CAPRIN2: variants seen among roughly 807,000 people sequenced by gnomAD.
CAPRIN2 encodes caprin family member 2.
CAPRIN2 carries 66 observed loss-of-function variants against 130.4 expected under a neutral mutation model. The ratio of observed to expected loss-of-function variants is 0.51; its 90% CI spans 0.42 to 0.62. The LOEUF (loss-of-function observed/expected upper bound fraction) is 0.62. CAPRIN2 is among the 20% of genes least tolerant of loss of function. CAPRIN2 has a pLI of 0.00. For missense variants in CAPRIN2, 1,185 were observed against 1,246.6 expected (o/e 0.95, Z 0.74); for synonymous variants, 471 against 444.1 (o/e 1.06, Z -0.76).
rs1321887575 is a variant in CAPRIN2, at chr12:30,710,363, C to T, written c.2773G>A (p.Val925Met). 1 of 1,614,050 alleles carries T rather than the reference C, an allele frequency of 6.2e-7. No individual in the cohort carries two copies. Among genetic ancestry groups the T allele is most frequent in the Non-Finnish European group, 8.5e-7 (1 of 1,180,044 alleles). ...GTGGCTGCTGGATTTGTCACTGGCA[C>T]ATCCACAGGGGTCATGCTACGGGAG... The change falls in exon 17 of 17, where the codon GTG (valine) becomes ATG (methionine). Residue 925 changes from valine to methionine, a missense_variant. Coordinates refer to ENST00000298892, the Ensembl canonical transcript of CAPRIN2. The surrounding 1 kb of genome is among the most constrained non-coding windows in gnomAD (Gnocchi z 4.8).
chr12:30,711,477 A>G, intron 16 of CAPRIN2, 89 bp downstream of exon 18: 1 of 1,024,352 alleles, frequency 9.8e-7, no homozygotes, highest in Non-Finnish European at 1.5e-6. Context: ...GCTAAAAAGC[A>G]ATGTGCTTTG....
Position 30,725,861 on chromosome 12 carries a change from G to A in CAPRIN2, c.1905+105C>T, listed in dbSNP as rs2060776015. Reference sequence around the variant, plus strand: ...AGGCTAGGAGAGCTAGGAGGCAGCAGAGCCAGGACTTGACAGAATAATCTA... The same window carrying A: ...AGGCTAGGAGAGCTAGGAGGCAGCAAAGCCAGGACTTGACAGAATAATCTA... On this transcript the variant is annotated intron_variant, in intron 9 of 16. Coordinates refer to ENST00000298892, the Ensembl canonical transcript of CAPRIN2. The A allele has an allele frequency of 7.1e-6, 7 of 986,496 alleles. No homozygotes were observed. In the East Asian group the frequency reaches 2.1e-4, roughly 30 times the overall value. The allele number at this position is 986,496 out of a possible 1,614,324, so 61.1% of individuals were successfully genotyped here.
At chr12:30,734,876 A>T in intron 4 of CAPRIN2, 92 bp downstream of exon 5, 3 of 766,764 alleles carry the variant, frequency 3.9e-6, no homozygotes, top group Non-Finnish European at 6.8e-6. Flanking sequence ...ACACACACAC[A>T]CACACACACA....
In CAPRIN2 at chr12:30,728,658, T is replaced by A. The variant is rs759641950; in HGVS notation, c.1772A>T (p.Glu591Val). The A allele has an allele frequency of 1.3e-5, 21 of 1,606,036 alleles. No homozygotes were observed. The South Asian group carries it at 2.2e-4, about 17-fold the overall frequency. Residue 591 changes from glutamate (E) to valine (V), a missense_variant, in exon 8 of 17, where the codon GAA (glutamate) becomes GTA (valine). Around this residue, in one of 2 missense-constraint regions of CAPRIN2, gnomAD observed 1,104 missense variants for 1,104.3 expected, o/e 1.00. Transcript: ENST00000298892. ...TACAGATCAACTCACATCTTTGGGT[T>A]CTGTGTTCAACTTCCTGGGCAGCAG...
intron 12 of CAPRIN2, chr12:30,720,602 T>C: frequency 4.6e-6 from 2 of 434,054 alleles, no homozygotes; most frequent in Non-Finnish European, 8.3e-6. Context: ...TTGCACTAGA[T>C]AAGGCAATAC....
intron 5 of CAPRIN2, among the ~76,000 whole-genome samples, chr12:30,731,915 T>G (rs1156414916): frequency 6.6e-6 from 1 of 152,050 alleles, no homozygotes; most frequent in East Asian, 1.9e-4. Flanking sequence ...TTTTCCTATC[T>G]GCTCCCAAGA....
At chr12:30,750,878 T>C (rs1424878378) in intron 2 of CAPRIN2, among the ~76,000 whole-genome samples, 193 bp downstream of exon 3, 2 of 152,200 alleles carry the variant, frequency 1.3e-5, no homozygotes, top group Non-Finnish European at 2.9e-5. Flanking sequence ...TACCATCTTC[T>C]AGTCAACAGA....
At chr12:30,744,506 G>C (rs1451887099) in intron 2 of CAPRIN2, among the ~76,000 whole-genome samples, 1 of 152,088 alleles carries the variant, frequency 6.6e-6, no homozygotes, top group African/African-American at 2.4e-5. Context: ...CCTTCTCAGA[G>C]CCTTTACGCA....
At chr12:30,751,298 AGTCAGGGG>A in intron 1 of CAPRIN2, 165 bp from the exon 3 acceptor site, 1 of 604,098 alleles carries the variant, frequency 1.7e-6, no homozygotes, top group Non-Finnish European at 3.0e-6. Flanking sequence ...GATGAGTTCC[AGTCAGGGG>A]AGAAAAAATA....
intron 3 of CAPRIN2, among the ~76,000 whole-genome samples, chr12:30,740,748 T>C (rs951669293): frequency 2.6e-5 from 4 of 152,238 alleles, no homozygotes; most frequent in African/African-American, 9.6e-5. Context: ...ATGATTTCTA[T>C]AATTCTGTAA....
Position 30,731,505 on chromosome 12 carries a change from G to A in CAPRIN2, c.898C>T (p.His300Tyr), listed in dbSNP as rs953231795. The change falls in exon 6 of 17, where the codon CAC becomes TAC. Residue 300 changes from histidine to tyrosine, a missense_variant. Around this residue, in one of 2 missense-constraint regions of CAPRIN2, gnomAD observed 1,104 missense variants for 1,104.3 expected, o/e 1.00. Coordinates refer to ENST00000298892, the Ensembl canonical transcript of CAPRIN2. ...AATTTAGACAGTAGATCCTTCAAGT[G>A]TTTGTCTAAGAAAGAGTGATTAAGA... 5.0e-6 allele frequency: 8 copies of A among 1,611,508 alleles called. No individual in the cohort carries two copies. In the East Asian group the frequency reaches 1.8e-4, roughly 36 times the overall value.
At chr12:30,711,849 C>T in intron 15 of CAPRIN2, 1 of 670,226 alleles carries the variant, frequency 1.5e-6, no homozygotes, top group Non-Finnish European at 2.7e-6. Flanking sequence ...CCTGACCAAT[C>T]AGATCTGTTA....
chr12:30,738,196 C>G (rs888925092), intron 3 of CAPRIN2, among the ~76,000 whole-genome samples: 1 of 151,896 alleles, frequency 6.6e-6, no homozygotes, highest in African/African-American at 2.4e-5. Context: ...AGTACTTTAT[C>G]ATGTCACCTA....
intron 1 of CAPRIN2, among the ~76,000 whole-genome samples, chr12:30,752,572 TAAAA>T (rs201247925): frequency 7.0e-5 from 9 of 129,294 alleles, no homozygotes; most frequent in Non-Finnish European, 8.0e-5. Flanking sequence ...TTTCTTAGGT[TAAAA>T]AAAAAAAAAA....
chr12:30,730,538 T>C (rs920596133), intron 6 of CAPRIN2, among the ~76,000 whole-genome samples: 1 of 152,226 alleles, frequency 6.6e-6, no homozygotes, highest in African/African-American at 2.4e-5. Flanking sequence ...AAAACTGATA[T>C]CTGATTGAAA....
At chr12:30,746,408 C>A (rs1466000666) in intron 2 of CAPRIN2, among the ~76,000 whole-genome samples, 1 of 152,092 alleles carries the variant, frequency 6.6e-6, no homozygotes, top group Non-Finnish European at 1.5e-5. Context: ...CAAACACACA[C>A]CGACAAAAAC....
At chr12:30,713,022 G>A (rs959113916) in intron 15 of CAPRIN2, among the ~76,000 whole-genome samples, 6 of 152,234 alleles carry the variant, frequency 3.9e-5, no homozygotes, top group Admixed American at 2.0e-4. Flanking sequence ...GATTACAGGC[G>A]TGAGTCACCA....
At chr12:30,729,187 T>C (rs761338582) in exon 8 of CAPRIN2, 1 of 1,614,040 alleles carries the variant, frequency 6.2e-7, no homozygotes, top group East Asian at 2.2e-5. Flanking sequence ...TCCTGTTTCT[T>C]CTCTTGACCA....
chr12:30,718,413 G>A (rs1029253049), intron 12 of CAPRIN2, among the ~76,000 whole-genome samples: 14 of 152,224 alleles, frequency 9.2e-5, no homozygotes, highest in African/African-American at 1.4e-4. Flanking sequence ...CCATCACTCC[G>A]AAGTGCTTGG....
Sources: gnomAD v4.1 joint callset for allele counts (sites outside exome capture counted in the v4.1 genomes callset) on GRCh38, gnomAD v4.1.1 for gene constraint, gnomAD v4.1.1 regional missense constraint, Gnocchi (gnomAD v3.1) non-coding constraint, MANE v1.5 for transcripts, NCBI Gene and HGNC (gene_info 2026-07-23, HGNC 2026-07-21) for gene names.